GPAT3: variants seen among roughly 807,000 people sequenced by gnomAD.
GPAT3 encodes the protein 1-AGP acyltransferase 9.
Under a neutral mutation model 58.8 loss-of-function variants are expected in GPAT3, and 53 were observed. The observed-to-expected ratio is 0.90, with a 90% CI of 0.72 to 1.13. The LOEUF (loss-of-function observed/expected upper bound fraction) is 1.13. GPAT3 is among the 50% of genes most tolerant of loss of function. The pLI is 0.00. For synonymous variants in GPAT3, 197 were observed against 187.4 expected (o/e 1.05, Z -0.42); for missense variants, 511 against 527.6 (o/e 0.97, Z 0.31).
At chr4:83,554,402 C>T (rs1162366637) in intron 2 of GPAT3, among the ~76,000 whole-genome samples, 2 of 152,164 alleles carry the variant, frequency 1.3e-5, no homozygotes, top group East Asian at 3.8e-4. Context: ...TCCCCACCCT[C>T]TGCATATCTC....
chr4:83,584,752 T>C (rs1726314482), intron 3 of GPAT3, among the ~76,000 whole-genome samples: 1 of 152,204 alleles, frequency 6.6e-6, no homozygotes, highest in Non-Finnish European at 1.5e-5. Flanking sequence ...GTGATCCGCC[T>C]GCCTTGGCTT....
At chr4:83,550,423 G>C (rs1028614116) in intron 2 of GPAT3, among the ~76,000 whole-genome samples, 1 of 152,046 alleles carries the variant, frequency 6.6e-6, no homozygotes, top group African/African-American at 2.4e-5. Flanking sequence ...TGATGATGAT[G>C]ATGATGACAA....
intron 11 of GPAT3, among the ~76,000 whole-genome samples, chr4:83,601,160 G>A (rs760471096): frequency 3.9e-5 from 6 of 152,230 alleles, no homozygotes; most frequent in Middle Eastern, 3.4e-3. Context: ...CTTTATAGTA[G>A]GTTCTTGAAT....
At chr4:83,593,557 G>C (rs192578792) in intron 6 of GPAT3, among the ~76,000 whole-genome samples, 1 of 152,054 alleles carries the variant, frequency 6.6e-6, no homozygotes, top group Non-Finnish European at 1.5e-5. Flanking sequence ...ATTAATATTT[G>C]TATCTCCCAT....
chr4:83,540,068 A>G (rs546403047), intron 1 of GPAT3, among the ~76,000 whole-genome samples: 224 of 152,034 alleles, frequency 1.5e-3, no homozygotes, highest in African/African-American at 4.8e-3. Context: ...TGAGGCTGAG[A>G]ATCACTTGAA....
chr4:83,548,511 T>G (rs191786229), intron 2 of GPAT3, among the ~76,000 whole-genome samples: 2 of 152,156 alleles, frequency 1.3e-5, no homozygotes, highest in African/African-American at 4.8e-5. Flanking sequence ...CACTAGGACA[T>G]TTTAAATGAT....
intron 2 of GPAT3, among the ~76,000 whole-genome samples, chr4:83,579,084 TTCC>T (rs1345899159): frequency 0.021 from 1,319 of 62,300 alleles, 108 homozygotes; most frequent in African/African-American, 0.052. Flanking sequence ...CTTTCTTCCC[TTCC>T]TTCCTTCCTT....
intron 2 of GPAT3, among the ~76,000 whole-genome samples, chr4:83,552,026 T>A (rs1724775307): frequency 6.6e-6 from 1 of 152,168 alleles, no homozygotes; most frequent in Non-Finnish European, 1.5e-5. Flanking sequence ...GATAGGTACC[T>A]TCTTGGGATG....
Position 83,536,289 on chromosome 4 carries a change from C to G in GPAT3, c.-334C>G. 9.5e-7 allele frequency: 1 copy of G among 1,054,676 alleles called. No individual in the cohort carries two copies. Among genetic ancestry groups the G allele is most frequent in the Non-Finnish European group, 1.1e-6 (1 of 875,256 alleles). The allele number at this position is 1,054,676 out of a possible 1,614,324, so 65.3% of individuals were successfully genotyped here. A position where few individuals can be genotyped will look rare whatever the true frequency, so the allele number is the denominator to read the frequency against. ...GGGCGGGTTCCTGGCTGCGCTCGCG[C>G]GCTCTGCCCGCGCCGCGGTGTGCCT... On this transcript the variant is annotated 5_prime_UTR_variant, in exon 1 of 12. Transcript: ENST00000264409.
intron 2 of GPAT3, among the ~76,000 whole-genome samples, chr4:83,552,174 C>T (rs370492483): frequency 7.2e-5 from 11 of 152,278 alleles, no homozygotes; most frequent in East Asian, 3.9e-4. Flanking sequence ...TCAACCTCAG[C>T]ACTACTGATA....
chr4:83,558,796 A>C (rs544959730), intron 2 of GPAT3, among the ~76,000 whole-genome samples: 191 of 152,320 alleles, frequency 1.3e-3, no homozygotes, highest in African/African-American at 4.4e-3. Flanking sequence ...GTTCATATTA[A>C]GGGTGGCAAA....
In GPAT3 at chr4:83,597,406, G is replaced by A. The variant is rs372389612; in HGVS notation, c.911-24G>A. 6.3e-5 allele frequency: 82 copies of A among 1,296,548 alleles called. No individual in the cohort carries two copies. The African/African-American group carries it at 8.4e-4, about 13-fold the overall frequency. 80.3% of individuals were successfully genotyped at this position (1,296,548 alleles called of 1,614,324 possible). ...AATGACTGCCTTTAAAAATATTCAC[G>A]CTCCTACCCTCACCCCCTTGCAGGA... On this transcript the variant is annotated intron_variant, in intron 8 of 11. Coordinates refer to ENST00000264409, the MANE Select transcript of GPAT3 (RefSeq NM_032717.5).
In GPAT3 at chr4:83,604,670, A is replaced by T. The variant is rs1223581972; in HGVS notation, c.1208A>T (p.Asp403Val). 1 of 1,612,628 alleles carries T rather than the reference A, an allele frequency of 6.2e-7. No homozygotes were observed. The highest frequency in any genetic ancestry group is 1.7e-5 in the Admixed American group (1 of 59,868). ...TGTATTTGTCTTTCTGTTTGCAGGG[A>T]TGGAGGACTAAAGAGAGCAAAGGTG... ...IQGGLTELPW[D>V]GGLKRAKVKD... The change falls in exon 12 of 12, where the codon GAT becomes GTT. Residue 403 changes from aspartate (D) to valine (V), a missense_variant and splice_region_variant. Physicochemically the swap from Asp to Val is radical, Grantham distance 152. Transcript: ENST00000264409.
chr4:83,581,095 CAAAAAA>C (rs35894737), intron 2 of GPAT3, among the ~76,000 whole-genome samples: 19 of 70,268 alleles, frequency 2.7e-4, no homozygotes, highest in Non-Finnish European at 4.2e-4. Flanking sequence ...GACTCCGTCT[CAAAAAA>C]AAAAAAAAAA....
chr4:83,581,540 T>G, intron 2 of GPAT3, 22 bp from the exon 3 acceptor site: 1 of 1,603,224 alleles, frequency 6.2e-7, no homozygotes, highest in Non-Finnish European at 8.5e-7. Context: ...CATTTTCTCA[T>G]GTCCTGATGC....
At chr4:83,594,352 G>T (rs1726731720) in intron 6 of GPAT3, among the ~76,000 whole-genome samples, 1 of 152,114 alleles carries the variant, frequency 6.6e-6, no homozygotes, top group African/African-American at 2.4e-5. Context: ...TATCTTCAGG[G>T]TTAATTTCTA....
In GPAT3 at chr4:83,541,759, C is replaced by A. The variant is rs916660500; in HGVS notation, c.142-2777C>A. The stretch of plus-strand genomic sequence containing the variant: ...ACAACAGAAATTTATTTTCTCAGTT[C>A]TTGTAGCTAGAGGTTCAAGATCTAG... On this transcript the variant is annotated intron_variant, in intron 1 of 11. Coordinates refer to ENST00000264409, the MANE Select transcript of GPAT3 (RefSeq NM_032717.5). Among the ~76,000 whole-genome samples, 4 of 152,312 alleles carry A rather than the reference C, an allele frequency of 2.6e-5. No homozygotes were observed. In the East Asian group the frequency reaches 7.7e-4, roughly 29 times the overall value.
intron 3 of GPAT3, among the ~76,000 whole-genome samples, chr4:83,583,209 G>T (rs565666543): frequency 6.6e-6 from 1 of 152,072 alleles, no homozygotes; most frequent in African/African-American, 2.4e-5. Flanking sequence ...CAGGAGAATC[G>T]CTTGAACCTG....
chr4:83,600,579 T>G (rs1299759878), intron 11 of GPAT3, among the ~76,000 whole-genome samples: 1 of 152,150 alleles, frequency 6.6e-6, no homozygotes, highest in Non-Finnish European at 1.5e-5. Context: ...TCTGGGTCAC[T>G]GCAACTTCCA....
Sources: allele counts gnomAD v4.1 joint callset (sites outside exome capture counted in the v4.1 genomes callset), GRCh38; gene constraint gnomAD v4.1.1; transcripts MANE v1.5; gene names NCBI Gene and HGNC (gene_info 2026-07-23, HGNC 2026-07-21).